The following NARS1 variants were observed in gnomAD, a reference collection of about 807,000 sequenced individuals.
NARS1 encodes the protein asparagine--tRNA ligase, cytoplasmic.
NARS1 carries 65 observed loss-of-function variants against 79.2 expected under a neutral mutation model. The ratio of observed to expected loss-of-function variants is 0.82; its 90% CI spans 0.67 to 1.01. NARS1 has a LOEUF of 1.01. Ranked by LOEUF, NARS1 falls within the 50% of genes least tolerant of loss-of-function variation. The pLI is 0.00. For synonymous variants in NARS1, 229 were observed against 238.8 expected, an observed-to-expected ratio of 0.96 and a Z score of 0.38; for missense variants, 649 against 673.8, an observed-to-expected ratio of 0.96 and a Z score of 0.41.
chr18:57,607,570 G>C lies in NARS1; in HGVS notation c.675C>G (p.Asp225Glu). The change falls in exon 8 of 14, where the codon GAC becomes GAG. Residue 225 changes from aspartate to glutamate, a missense_variant. Transcript: ENST00000256854. Reference protein sequence around the residue: ...GADNLINEESDVDVQLNNRHM... With the variant: ...GADNLINEESEVDVQLNNRHM... The stretch of plus-strand genomic sequence containing the variant: ...GTCTGTTGTTGAGCTGGACATCAAC[G>C]TCAGACTCCTCATTGATCAGGTTGT... 1 of 1,614,074 alleles carries C rather than the reference G, an allele frequency of 6.2e-7. No individual in the cohort carries two copies. The highest frequency in any genetic ancestry group is 8.5e-7 in the Non-Finnish European group (1 of 1,180,020).
chr18:57,619,679 C>CCCATG (rs1908221274), intron 2 of NARS1, among the ~76,000 whole-genome samples: 1 of 152,110 alleles, frequency 6.6e-6, no homozygotes, highest in African/African-American at 2.4e-5. Flanking sequence ...CTACCTAACA[C>CCCATG]CCATGTTGTG....
chr18:57,610,042 C>CAACA lies in NARS1; in HGVS notation c.493-603_493-600dup, dbSNP rs894608372. ...TTCTGAGAAACCCTGTGTCTCAAAA[C>CAACA]AACAAACAAACAAACAAAACCATAC... is the stretch of plus-strand genomic sequence containing the variant. On this transcript the variant is annotated intron_variant, in intron 6 of 13. Coordinates refer to ENST00000256854, the MANE Select transcript of NARS1 (RefSeq NM_004539.4). 5.3e-5 allele frequency among the ~76,000 whole-genome samples: 8 copies of CAACA among 152,132 alleles called. No individual in the cohort carries two copies. In the South Asian group the frequency reaches 1.4e-3, roughly 28 times the overall value.
intron 11 of NARS1, among the ~76,000 whole-genome samples, chr18:57,604,962 C>G (rs1331591149): frequency 2.0e-5 from 3 of 152,044 alleles, no homozygotes; most frequent in Admixed American, 2.0e-4. Context: ...GCTAAGTTTA[C>G]CTGGGGCACT....
In NARS1 at chr18:57,615,634, A is replaced by T; in HGVS notation, c.342+7T>A. On this transcript the variant is annotated splice_region_variant and intron_variant, in intron 4 of 13. Transcript: ENST00000256854. ...TCCACGGTATTTGAAAAGATAAACA[A>T]ACTTACACATTTTGGCTCTGGGAGA... The T allele has an allele frequency of 6.3e-7, 1 of 1,590,096 alleles. No individual in the cohort carries two copies. The highest frequency in any genetic ancestry group is 8.6e-7 in the Non-Finnish European group (1 of 1,159,396).
At chr18:57,611,798 C>T (rs536923167) in intron 5 of NARS1, 91 bp from the exon 6 acceptor site, 10 of 620,932 alleles carry the variant, frequency 1.6e-5, no homozygotes, top group Middle Eastern at 5.1e-4. Context: ...GGTCTCACTT[C>T]GTCACCCAGG....
At chr18:57,621,381 G>A (rs1332241583) in intron 1 of NARS1, among the ~76,000 whole-genome samples, 1 of 152,108 alleles carries the variant, frequency 6.6e-6, no homozygotes, top group African/African-American at 2.4e-5. Context: ...AAGAACTGCA[G>A]GAGTAGGGGC....
In NARS1 at chr18:57,607,130, A is replaced by G. The variant is rs754704418; in HGVS notation, c.1001+4T>C. On this transcript the variant is annotated splice_donor_region_variant and intron_variant, in intron 9 of 13. Coordinates refer to ENST00000256854, the MANE Select transcript of NARS1 (RefSeq NM_004539.4). Reference sequence around the variant, plus strand: ...AGAAATAAAACAAAAAGACAACTTCATACTCAGCCAGGTGCCTTCGTGTTC... The same window carrying G: ...AGAAATAAAACAAAAAGACAACTTCGTACTCAGCCAGGTGCCTTCGTGTTC... 15 of 1,607,330 alleles carry G rather than the reference A, an allele frequency of 9.3e-6. No homozygotes were observed. Among genetic ancestry groups the G allele is most frequent in the African/African-American group, 1.3e-5 (1 of 74,600 alleles).
At chr18:57,609,587 T>C (rs2051588752) in intron 6 of NARS1, 144 bp from the exon 7 acceptor site, 2 of 618,680 alleles carry the variant, frequency 3.2e-6, no homozygotes, top group South Asian at 2.1e-5. Flanking sequence ...TGATTCTTAA[T>C]ATTAAAATAG....
intron 4 of NARS1, 65 bp from the exon 5 acceptor site, chr18:57,613,745 A>G: frequency 7.6e-7 from 1 of 1,313,970 alleles, no homozygotes; most frequent in Non-Finnish European, 1.1e-6. Flanking sequence ...CTTTTTCACT[A>G]ATATTAGGCA....
intron 11 of NARS1, among the ~76,000 whole-genome samples, chr18:57,605,134 A>ATATAT (rs1555683459): frequency 7.4e-6 from 1 of 135,234 alleles, no homozygotes; most frequent in African/African-American, 2.9e-5. Context: ...AAAAAAAAAA[A>ATATAT]ATATATATAT....
chr18:57,606,873 G>C, intron 9 of NARS1, 122 bp from the exon 10 acceptor site: 1 of 1,331,960 alleles, frequency 7.5e-7, no homozygotes, highest in South Asian at 1.4e-5. Flanking sequence ...TCCCAACTTT[G>C]CAAATTAGCT....
At chr18:57,606,834 G>T in intron 9 of NARS1, 83 bp from the exon 10 acceptor site, 1 of 1,558,938 alleles carries the variant, frequency 6.4e-7, no homozygotes, top group Middle Eastern at 2.1e-4. Context: ...TTGGGAAGCT[G>T]TCCATAAAAT....
chr18:57,602,925 C>A lies in NARS1; in HGVS notation c.1270G>T (p.Glu424Ter), dbSNP rs1451707071. The change falls in exon 12 of 14, where the codon GAG becomes TAG. Residue 424 changes from glutamate (E) to a stop codon, truncating the protein, a stop_gained. Coordinates refer to ENST00000256854, the MANE Select transcript of NARS1 (RefSeq NM_004539.4). LOFTEE classifies it high-confidence loss of function. ...EFGEDIPEAPERLMTDTINEP... is the reference protein window; with the variant it reads ...EFGEDIPEAP Reference sequence around the variant, plus strand: ...TTAATGGTGTCTGTCATCAGTCTCTCAGGAGCTTCTGGGATATCCTGAGGT... The same window carrying A: ...TTAATGGTGTCTGTCATCAGTCTCTAAGGAGCTTCTGGGATATCCTGAGGT... 2 of 1,614,070 alleles carry A rather than the reference C, an allele frequency of 1.2e-6. No individual in the cohort carries two copies. Among genetic ancestry groups the A allele is most frequent in the Non-Finnish European group, 1.7e-6 (2 of 1,179,970 alleles).
chr18:57,605,806 G>T, intron 11 of NARS1, 51 bp downstream of exon 11: 1 of 1,236,556 alleles, frequency 8.1e-7, no homozygotes, highest in Non-Finnish European at 1.2e-6. Context: ...CAGAAGAAGA[G>T]AATTGGAGCC....
At chr18:57,620,861 T>C (rs1242765216) in intron 1 of NARS1, among the ~76,000 whole-genome samples, 1 of 152,218 alleles carries the variant, frequency 6.6e-6, no homozygotes, top group African/African-American at 2.4e-5. Context: ...GTTTTCAAAA[T>C]GAACTCTGAT....
Position 57,615,658 on chromosome 18 carries a change from G to A in NARS1, c.325C>T (p.Leu109Phe). 1 of 1,611,906 alleles carries A rather than the reference G, an allele frequency of 6.2e-7. No homozygotes were observed. The highest frequency in any genetic ancestry group is 8.5e-7 in the Non-Finnish European group (1 of 1,178,528). ...AAACTTACACATTTTGGCTCTGGGA[G>A]ACTTGGATCATTTTTAATGGTAATC... ...KKITIKNDPSLPEPKCVKIGA... is the reference protein window; with the variant it reads ...KKITIKNDPSFPEPKCVKIGA... Residue 109 changes from leucine (L) to phenylalanine (F), a missense_variant, in exon 4 of 14, where the codon CTC (leucine) becomes TTC (phenylalanine). Physicochemically the swap from Leu to Phe is conservative, Grantham distance 22. Coordinates refer to ENST00000256854, the MANE Select transcript of NARS1 (RefSeq NM_004539.4).
intron 2 of NARS1, among the ~76,000 whole-genome samples, chr18:57,617,013 T>C (rs977357755): frequency 7.3e-6 from 1 of 136,526 alleles, no homozygotes; most frequent in African/African-American, 2.7e-5. Flanking sequence ...TCTGAAAAAC[T>C]CCCCCATGTA....
Position 57,605,888 on chromosome 18 carries a change from T to C in NARS1, c.1220A>G (p.Lys407Arg), listed in dbSNP as rs752509694. ...IVWLKEHDVK[K>R]EDGTFYEFGE... is the part of the protein sequence containing the mutation. ...AAATTCATAGAAAGTTCCATCTTCT[T>C]TCTTTACATCATGTTCTTTTAGCCA... is the stretch of plus-strand genomic sequence containing the variant. Residue 407 changes from lysine (K) to arginine (R), a missense_variant, in exon 11 of 14, where the codon AAA becomes AGA. Physicochemically the swap from Lys to Arg is conservative, Grantham distance 26 (BLOSUM62 2). Coordinates refer to ENST00000256854, the MANE Select transcript of NARS1 (RefSeq NM_004539.4). The C allele has an allele frequency of 1.5e-5, 24 of 1,611,804 alleles. No homozygotes were observed. Among genetic ancestry groups the C allele is most frequent in the Non-Finnish European group, 2.0e-5 (24 of 1,178,460 alleles).
chr18:57,613,341 A>G (rs1166523393), intron 5 of NARS1, among the ~76,000 whole-genome samples: 1 of 151,988 alleles, frequency 6.6e-6, no homozygotes, highest in Non-Finnish European at 1.5e-5. Flanking sequence ...AAAATTACAA[A>G]AATCAGCCAG....
Sources: gnomAD v4.1 joint callset for allele counts (sites outside exome capture counted in the v4.1 genomes callset) on GRCh38, gnomAD v4.1.1 for gene constraint, MANE v1.5 for transcripts, NCBI Gene and HGNC (gene_info 2026-07-23, HGNC 2026-07-21) for gene names.